The following DOCK3 variants were observed in gnomAD, a reference collection of about 807,000 sequenced individuals.
The protein encoded by DOCK3 is dedicator of cytokinesis 3.
A neutral mutation model predicts 265.6 loss-of-function variants in DOCK3; 60 were observed. The ratio of observed to expected loss-of-function variants is 0.23; its 90% CI spans 0.18 to 0.28. DOCK3 has a LOEUF of 0.28. Among genes scored for constraint, DOCK3 ranks in the 10% least tolerant of loss-of-function variants. The pLI, the probability that DOCK3 is intolerant of heterozygous loss-of-function variation, is 1.00. For missense variants in DOCK3, 1,981 were observed against 2,594.3 expected (o/e 0.76, Z 5.14); for synonymous variants, 881 against 938.0 (o/e 0.94, Z 1.11).
intron 1 of DOCK3, among the ~76,000 whole-genome samples, chr3:50,729,345 T>C (rs1475776802): frequency 1.8e-5 from 2 of 111,468 alleles, no homozygotes; most frequent in African/African-American, 3.5e-5. Context: ...AGTTGTTTAT[T>C]TTTATTTTTA....
chr3:51,089,373 A>G, intron 8 of DOCK3, 89 bp downstream of exon 8: 1 of 1,453,636 alleles, frequency 6.9e-7, no homozygotes, highest in Middle Eastern at 1.7e-4. Context: ...GAAATGACAG[A>G]CACCACTGAC....
chr3:50,889,974 A>C, intron 3 of DOCK3, 52 bp from the exon 4 acceptor site: 1 of 1,320,078 alleles, frequency 7.6e-7, no homozygotes, highest in South Asian at 1.9e-5. Context: ...TATATATGAA[A>C]TGTTAATCAC....
intron 3 of DOCK3, among the ~76,000 whole-genome samples, chr3:50,884,208 A>T (rs1193335550): frequency 6.6e-6 from 1 of 151,728 alleles, no homozygotes; most frequent in Non-Finnish European, 1.5e-5. Context: ...CTCCTGTCTC[A>T]GCCTCCTGAT....
intron 5 of DOCK3, among the ~76,000 whole-genome samples, chr3:51,013,453 C>T (rs1272028404): frequency 6.6e-6 from 1 of 152,114 alleles, no homozygotes; most frequent in Admixed American, 6.6e-5. Flanking sequence ...CACTCCAGAC[C>T]CTGTTTGCCT....
At chr3:50,854,003 A>G (rs905087073) in intron 3 of DOCK3, among the ~76,000 whole-genome samples, 3 of 151,976 alleles carry the variant, frequency 2.0e-5, no homozygotes, top group African/African-American at 4.8e-5. Context: ...AATAATAGCC[A>G]TTCTGACTGG....
chr3:51,180,267 C>T (rs952749492), intron 12 of DOCK3, among the ~76,000 whole-genome samples: 4 of 147,342 alleles, frequency 2.7e-5, no homozygotes, highest in African/African-American at 1.0e-4. Context: ...AGCAACCAAA[C>T]TTGAATTTGA....
intron 1 of DOCK3, among the ~76,000 whole-genome samples, chr3:50,724,277 G>T (rs1269245767): frequency 6.6e-6 from 1 of 152,212 alleles, no homozygotes; most frequent in South Asian, 2.1e-4. Flanking sequence ...CACTGTGGAA[G>T]ACTGTGTGGC....
chr3:51,165,976 A>G (rs2086385159), intron 12 of DOCK3, among the ~76,000 whole-genome samples: 1 of 149,864 alleles, frequency 6.7e-6, no homozygotes, highest in Admixed American at 6.7e-5. Context: ...GTCACTTCCC[A>G]TTGTAATTAT....
chr3:51,040,221 T>C (rs1370159721), intron 5 of DOCK3, among the ~76,000 whole-genome samples: 2 of 152,074 alleles, frequency 1.3e-5, no homozygotes, highest in African/African-American at 2.4e-5. Flanking sequence ...GTTTTTTTTT[T>C]TTTAATCAAA....
At chr3:51,356,829 G>T in intron 43 of DOCK3, 133 bp from the exon 44 acceptor site, 5 of 1,059,300 alleles carry the variant, frequency 4.7e-6, no homozygotes, top group Non-Finnish European at 6.7e-6. Context: ...AAGTGGAAAG[G>T]GTCCAGGGAG....
intron 2 of DOCK3, among the ~76,000 whole-genome samples, chr3:50,793,893 C>T (rs937640891): frequency 6.6e-6 from 1 of 152,158 alleles, no homozygotes; most frequent in Non-Finnish European, 1.5e-5. Context: ...CCTTTTAACA[C>T]TGCCTTAGCT....
chr3:50,733,290 T>C (rs533104302), intron 1 of DOCK3, among the ~76,000 whole-genome samples: 1 of 152,324 alleles, frequency 6.6e-6, no homozygotes, highest in East Asian at 1.9e-4. Context: ...TGATTTTTGG[T>C]CTGGATGGTC....
At chr3:51,031,428 A>C (rs192162175) in intron 5 of DOCK3, among the ~76,000 whole-genome samples, 1 of 152,270 alleles carries the variant, frequency 6.6e-6, no homozygotes, top group East Asian at 1.9e-4. Flanking sequence ...CACCAGCCTT[A>C]AAGTCTCTGA....
chr3:51,217,842 G>T (rs1232041566), intron 14 of DOCK3, among the ~76,000 whole-genome samples: 1 of 152,200 alleles, frequency 6.6e-6, no homozygotes, highest in African/African-American at 2.4e-5. Flanking sequence ...GTCAGGCCAG[G>T]CACAGTGGCT....
chr3:51,220,293 G>C (rs1022371567), intron 14 of DOCK3, among the ~76,000 whole-genome samples: 1 of 152,132 alleles, frequency 6.6e-6, no homozygotes, highest in African/African-American at 2.4e-5. Context: ...TCTTAAGGAA[G>C]AGAAAGCACA....
chr3:51,253,720 C>T (rs1021368301), intron 22 of DOCK3, among the ~76,000 whole-genome samples: 1 of 152,110 alleles, frequency 6.6e-6, no homozygotes, highest in Non-Finnish European at 1.5e-5. Context: ...TCACCTTTGT[C>T]ATTTTTTATT....
At position 51,357,822 on chromosome 3, in the gene DOCK3, A is replaced by T. The variant is rs2086464157; in HGVS notation, c.4748A>T (p.Lys1583Met). The T allele has an allele frequency of 6.2e-7, 1 of 1,614,000 alleles. No homozygotes were observed. Among genetic ancestry groups the T allele is most frequent in the East Asian group, 2.2e-5 (1 of 44,868 alleles). The change falls in exon 45 of 53, where the codon AAG (lysine) becomes ATG (methionine). Residue 1583 changes from lysine to methionine, a missense_variant. Lys to Met is a moderately conservative substitution (Grantham distance 95). Around this residue, in one of 4 missense-constraint regions of DOCK3, gnomAD observed 1,357 missense variants for 1,866.8 expected, o/e 0.73. Coordinates refer to ENST00000266037, the MANE Select transcript of DOCK3 (RefSeq NM_004947.5). Reference sequence around the variant, plus strand: ...GATGCTGAGAAGATCACCCAGCTCAAGGAGCTTATGCAGGAGCAGGTATGT... The same window carrying T: ...GATGCTGAGAAGATCACCCAGCTCATGGAGCTTATGCAGGAGCAGGTATGT... ...PGDAEKITQL[K>M]ELMQEQVHVL...
Position 51,360,517 on chromosome 3 carries a change from C to A in DOCK3, c.4891C>A (p.Pro1631Thr). ...MMRASLYHEF[P>T]GLDKLSPACS... ...GGCATTCATTTCTCAACAGGAGTTT[C>A]CAGGTTTGGATAAGCTAAGTCCTGC... The change falls in exon 47 of 53, where the codon CCA (proline) becomes ACA (threonine). Residue 1631 changes from proline (P) to threonine (T), a missense_variant. By Grantham distance (38) the Pro-to-Thr change is conservative (BLOSUM62 -1). Transcript: ENST00000266037. 2 of 1,610,302 alleles carry A rather than the reference C, an allele frequency of 1.2e-6. No individual in the cohort carries two copies. The highest frequency in any genetic ancestry group is 2.2e-5 in the East Asian group (1 of 44,782).
intron 25 of DOCK3, among the ~76,000 whole-genome samples, chr3:51,276,026 G>C (rs1317879832): frequency 6.6e-6 from 1 of 152,212 alleles, no homozygotes; most frequent in Non-Finnish European, 1.5e-5. Flanking sequence ...TAGGTTGCTA[G>C]AGAATAGAAT....
Sources: allele counts gnomAD v4.1 joint callset (sites outside exome capture counted in the v4.1 genomes callset), GRCh38; gene constraint gnomAD v4.1.1; regional missense constraint gnomAD v4.1.1; transcripts MANE v1.5; gene names NCBI Gene and HGNC (gene_info 2026-07-23, HGNC 2026-07-21).